The following PLEKHG1 variants were observed in gnomAD, a reference collection of about 807,000 sequenced individuals.
PLEKHG1 encodes the protein pleckstrin homology domain-containing family G member 1.
PLEKHG1 carries 44 observed loss-of-function variants against 100.8 expected under a neutral mutation model. The observed-to-expected ratio is 0.44, with a 90% CI of 0.34 to 0.56. PLEKHG1 has a LOEUF of 0.56. Among genes scored for constraint, PLEKHG1 ranks in the 20% least tolerant of loss-of-function variants. The pLI is 0.01. For missense variants in PLEKHG1, 1,545 were observed against 1,720.9 expected (o/e 0.90, Z 1.81); for synonymous variants, 640 against 662.5 (o/e 0.97, Z 0.52).
intron 3 of PLEKHG1, among the ~76,000 whole-genome samples, chr6:150,656,349 G>A (rs1210216978): frequency 6.6e-6 from 1 of 152,172 alleles, no homozygotes; most frequent in Non-Finnish European, 1.5e-5. Flanking sequence ...TCCTGTTCCT[G>A]TCCTTGGAAC....
At chr6:150,757,054 G>C (rs986400411) in intron 2 of PLEKHG1, among the ~76,000 whole-genome samples, 9 of 152,188 alleles carry the variant, frequency 5.9e-5, no homozygotes, top group African/African-American at 2.2e-4. Context: ...TGTCACCCAA[G>C]CTGGAGTGCA....
chr6:150,831,406 G>T lies in PLEKHG1; in HGVS notation c.2295G>T (p.Arg765=). 1 of 1,614,142 alleles carries T rather than the reference G, an allele frequency of 6.2e-7. No individual in the cohort carries two copies. Among genetic ancestry groups the T allele is most frequent in the Non-Finnish European group, 8.5e-7 (1 of 1,180,040 alleles). The change falls in exon 15 of 16, where the codon CGG becomes CGT. Residue 765 remains arginine (R), a synonymous_variant. Transcript: ENST00000358517. The surrounding 1 kb of genome is among the most constrained non-coding windows in gnomAD (Gnocchi z 4.1). ...GCAGCAGCCTAAAGCGTGCAAAGCG[G>T]AGCACCTTTTTGGGTCTGGAGGCCG... is the stretch of plus-strand genomic sequence containing the variant.
chr6:150,612,521 C>T (rs546560209), intron 1 of PLEKHG1, among the ~76,000 whole-genome samples: 39 of 152,112 alleles, frequency 2.6e-4, no homozygotes, highest in Non-Finnish European at 3.4e-4. Context: ...TTAGTAGAGA[C>T]GGGGTTTTGC....
chr6:150,707,770 G>C (rs1158338785), intron 3 of PLEKHG1, among the ~76,000 whole-genome samples: 2 of 152,106 alleles, frequency 1.3e-5, no homozygotes, highest in African/African-American at 4.8e-5. Flanking sequence ...GTCACACTCT[G>C]TCTAATCAGC....
intron 2 of PLEKHG1, among the ~76,000 whole-genome samples, chr6:150,752,993 G>A (rs1352084483): frequency 6.6e-6 from 1 of 152,136 alleles, no homozygotes; most frequent in Non-Finnish European, 1.5e-5. Flanking sequence ...CCTTCCTGTA[G>A]TCCAAGCTAC....
chr6:150,641,244 TAAAC>T (rs1050510916), intron 2 of PLEKHG1, among the ~76,000 whole-genome samples: 7 of 152,288 alleles, frequency 4.6e-5, no homozygotes, highest in African/African-American at 1.7e-4. Context: ...TATTCTAAAA[TAAAC>T]AAGTTTAATA....
chr6:150,742,948 C>G lies in PLEKHG1; in HGVS notation c.411+8856C>G, dbSNP rs186477556. ...GAGGTTGCCATCCCAGTCAACTAGA[C>G]GGGCAAGGAGACATGGAGATACATA... On this transcript the variant is annotated intron_variant, in intron 2 of 15. Transcript: ENST00000358517. 5.0e-3 allele frequency among the ~76,000 whole-genome samples: 766 copies of G among 152,210 alleles called. 1 individual carries two copies. The highest frequency in any genetic ancestry group is 8.8e-3 in the Admixed American group (134 of 15,278).
At position 150,840,663 on chromosome 6, in the gene PLEKHG1, GCTGACTTTT is replaced by G. The variant is rs1281705873; in HGVS notation, c.3930_3938del (p.Phe1311_Asp1313del). The G allele has an allele frequency of 5.0e-6, 8 of 1,614,060 alleles. No homozygotes were observed. The African/African-American group carries it at 1.1e-4, about 22-fold the overall frequency. ...GAAATCTGACTCAAAGTTTGTGGAT[GCTGACTTTT>G]CTGATAATGTCTGCAGCGGCAACAC... On this transcript the variant is annotated inframe_deletion, in exon 16 of 16. Coordinates refer to ENST00000358517, the Ensembl canonical transcript of PLEKHG1.
chr6:150,619,299 G>A (rs74332819), intron 1 of PLEKHG1, among the ~76,000 whole-genome samples: 3,615 of 152,092 alleles, frequency 0.024, 129 homozygotes, highest in African/African-American at 0.08. Flanking sequence ...GCCTGCGTTC[G>A]CCTTTCCCAC....
At chr6:150,635,926 G>C (rs1198754341) in intron 1 of PLEKHG1, among the ~76,000 whole-genome samples, 1 of 152,158 alleles carries the variant, frequency 6.6e-6, no homozygotes, top group African/African-American at 2.4e-5. Context: ...TTGGTAACTA[G>C]TGGCTTACAG....
intron 2 of PLEKHG1, among the ~76,000 whole-genome samples, chr6:150,648,722 G>A (rs1310846986): frequency 1.3e-5 from 2 of 152,038 alleles, no homozygotes; most frequent in African/African-American, 4.8e-5. Flanking sequence ...TATCTTGAAA[G>A]CTTTTCATAT....
At position 150,612,286 on chromosome 6, in the gene PLEKHG1, C is replaced by T. The variant is rs544477255; in HGVS notation, c.-204+12269C>T. On this transcript the variant is annotated intron_variant, in intron 1 of 3. Transcript: ENST00000367326. ...GATTGATATATTAATAACTAGAACA[C>T]GAACCTGACATTGAATGTGTGTTTT... 5.3e-5 allele frequency among the ~76,000 whole-genome samples: 8 copies of T among 152,202 alleles called. No homozygotes were observed. In the East Asian group the frequency reaches 1.2e-3, roughly 22 times the overall value.
At chr6:150,637,640 C>T (rs561463831) in intron 1 of PLEKHG1, among the ~76,000 whole-genome samples, 1 of 152,034 alleles carries the variant, frequency 6.6e-6, no homozygotes, top group Non-Finnish European at 1.5e-5. Context: ...GCCAATAAGT[C>T]TGATGTTAGA....
chr6:150,788,016 C>T (rs566311012), intron 4 of PLEKHG1, among the ~76,000 whole-genome samples: 5 of 152,340 alleles, frequency 3.3e-5, no homozygotes, highest in South Asian at 2.1e-4. Flanking sequence ...ACATAAACAA[C>T]GTAGAAGCTT....
intron 3 of PLEKHG1, among the ~76,000 whole-genome samples, chr6:150,775,590 C>T (rs1343751391): frequency 6.6e-6 from 1 of 152,172 alleles, no homozygotes; most frequent in Non-Finnish European, 1.5e-5. Context: ...AAGGAAGGAA[C>T]AGAATGCTTT....
chr6:150,695,814 G>A (rs1780521804), intron 3 of PLEKHG1, among the ~76,000 whole-genome samples: 1 of 152,096 alleles, frequency 6.6e-6, no homozygotes, highest in African/African-American at 2.4e-5. Context: ...CTGTATTTCT[G>A]GTTGCTGATA....
chr6:150,637,161 TG>T (rs1351324527), intron 1 of PLEKHG1, among the ~76,000 whole-genome samples: 2 of 152,226 alleles, frequency 1.3e-5, no homozygotes, highest in Admixed American at 6.5e-5. Flanking sequence ...ATATGTTTTT[TG>T]TTTTGTCTCT....
intron 3 of PLEKHG1, among the ~76,000 whole-genome samples, chr6:150,775,586 G>A (rs918557521): frequency 1.1e-4 from 17 of 152,314 alleles, no homozygotes; most frequent in African/African-American, 4.1e-4. Flanking sequence ...AATCAAGGAA[G>A]GAACAGAATG....
At chr6:150,629,482 A>G (rs1161614250) in intron 1 of PLEKHG1, among the ~76,000 whole-genome samples, 1 of 150,886 alleles carries the variant, frequency 6.6e-6, no homozygotes, top group Admixed American at 6.6e-5. Context: ...TTTTTTTGAG[A>G]TGGATTCTTG....
Sources: allele counts gnomAD v4.1 joint callset (sites outside exome capture counted in the v4.1 genomes callset), GRCh38; gene constraint gnomAD v4.1.1; non-coding constraint Gnocchi (gnomAD v3.1); transcripts MANE v1.5; gene names NCBI Gene and HGNC (gene_info 2026-07-23, HGNC 2026-07-21).